Variants in IL6ST observed in about 807,000 individuals in gnomAD.
The protein encoded by IL6ST is interleukin 6 cytokine family signal transducer.
Under a neutral mutation model 91.3 loss-of-function variants are expected in IL6ST, and 24 were observed. That is an observed-to-expected ratio of 0.26 (90% CI 0.19 to 0.37). The LOEUF (loss-of-function observed/expected upper bound fraction) is 0.37, where lower values mean the gene tolerates loss of function less well. IL6ST is among the 10% of genes least tolerant of loss of function. IL6ST has a pLI of 1.00. For synonymous variants in IL6ST, 351 were observed against 373.6 expected, an observed-to-expected ratio of 0.94 and a Z score of 0.70; for missense variants, 914 against 1,078.5, an observed-to-expected ratio of 0.85 and a Z score of 2.14.
intron 10 of IL6ST, among the ~76,000 whole-genome samples, chr5:55,955,682 G>GT (rs60086207): frequency 0.24 from 36,988 of 152,000 alleles, 7,033 homozygotes; most frequent in African/African-American, 0.53. Flanking sequence ...TGATGGAAAT[G>GT]TTCTTGCATC....
chr5:55,941,406 C>A lies in IL6ST; in HGVS notation c.2433G>T (p.Arg811Ser). Residue 811 changes from arginine to serine, a missense_variant, in exon 17 of 17, where the codon AGG becomes AGT. Coordinates refer to ENST00000381298, the MANE Select transcript of IL6ST (RefSeq NM_002184.4). ...TGCAGTTCTGTTTGAAGTACTGTTG[C>A]CTGGGCAAAATACCATCACCGCCAT... ...HVDGGDGILP[R>S]QQYFKQNCSQ... The A allele has an allele frequency of 1.2e-6, 2 of 1,614,086 alleles. No individual in the cohort carries two copies. Among genetic ancestry groups the A allele is most frequent in the Non-Finnish European group, 1.7e-6 (2 of 1,179,986 alleles).
chr5:55,994,938 C>T lies in IL6ST; in HGVS notation c.-258G>A, dbSNP rs1754580125. ...CTCCGCGGGCCTTTTGGCTGCTCGC[C>T]CCGGCTCCGGAACACTGTCAGATCC... On this transcript the variant is annotated 5_prime_UTR_variant, in exon 1 of 17. Transcript: ENST00000381298. 1 of 152,172 alleles carries T rather than the reference C, an allele frequency of 6.6e-6. No homozygotes were observed. The highest frequency in any genetic ancestry group is 1.5e-5 in the Non-Finnish European group (1 of 68,084). 9.4% of individuals were successfully genotyped at this position (152,172 alleles called of 1,614,324 possible).
intron 5 of IL6ST, among the ~76,000 whole-genome samples, chr5:55,964,734 TC>T: frequency 6.6e-6 from 1 of 152,216 alleles, no homozygotes; most frequent in East Asian, 1.9e-4. Flanking sequence ...TAGCCTTTAG[TC>T]TTAGGGCTAA....
intron 15 of IL6ST, among the ~76,000 whole-genome samples, chr5:55,943,505 C>T (rs1242019133): frequency 6.6e-6 from 1 of 152,032 alleles, no homozygotes; most frequent in Admixed American, 6.6e-5. Context: ...ACAGATAAGG[C>T]ACATAAAGAC....
chr5:55,980,544 C>T (rs909588682), intron 2 of IL6ST, among the ~76,000 whole-genome samples: 2 of 151,878 alleles, frequency 1.3e-5, no homozygotes, highest in Admixed American at 6.6e-5. Context: ...AGTGAAACTC[C>T]GTCTCAAAAA....
At chr5:55,968,475 T>G in intron 4 of IL6ST, 79 bp from the exon 5 acceptor site, 1 of 1,334,020 alleles carries the variant, frequency 7.5e-7, no homozygotes, top group Non-Finnish European at 1.0e-6. Context: ...CCCAAGGCAT[T>G]TGCGATCTAA....
chr5:55,956,436 A>G (rs1751978740), intron 9 of IL6ST, among the ~76,000 whole-genome samples: 1 of 152,178 alleles, frequency 6.6e-6, no homozygotes, highest in Non-Finnish European at 1.5e-5. Flanking sequence ...GACCTCAACT[A>G]AAAAAGGGTA....
intron 2 of IL6ST, among the ~76,000 whole-genome samples, chr5:55,976,700 A>G (rs1396616430): frequency 6.6e-6 from 1 of 152,232 alleles, no homozygotes; most frequent in Non-Finnish European, 1.5e-5. Context: ...AATTTTCCCG[A>G]TATATAAAGA....
Position 55,938,681 on chromosome 5 carries a change from A to G in IL6ST, c.*2401T>C, listed in dbSNP as rs1175707429. ...AATAACCAGATTTCTTTGCCTACCT[A>G]AAGTACAATTTACATGCATCAACAC... On this transcript the variant is annotated 3_prime_UTR_variant, in exon 17 of 17. Coordinates refer to ENST00000381298, the MANE Select transcript of IL6ST (RefSeq NM_002184.4). 1 of 197,508 alleles carries G rather than the reference A, an allele frequency of 5.1e-6. No homozygotes were observed. Among genetic ancestry groups the G allele is most frequent in the East Asian group, 7.8e-5 (1 of 12,782 alleles). The allele number at this position is 197,508 out of a possible 1,614,324, so 12.2% of individuals were successfully genotyped here. A position where few individuals can be genotyped will look rare whatever the true frequency, so the allele number is the denominator to read the frequency against.
intron 10 of IL6ST, among the ~76,000 whole-genome samples, chr5:55,955,311 G>C (rs987945094): frequency 1.3e-5 from 2 of 152,152 alleles, no homozygotes; most frequent in Non-Finnish European, 2.9e-5. Context: ...TACAAAATTA[G>C]CCAGGCATTG....
At chr5:55,970,653 G>A (rs1018720975) in intron 3 of IL6ST, among the ~76,000 whole-genome samples, 4 of 152,090 alleles carry the variant, frequency 2.6e-5, no homozygotes, top group Non-Finnish European at 4.4e-5. Flanking sequence ...CTCCACCCTG[G>A]ACAACAGAGT....
chr5:55,968,168 T>A (rs1176607208), intron 5 of IL6ST, 108 bp downstream of exon 5: 6 of 1,017,164 alleles, frequency 5.9e-6, no homozygotes, highest in African/African-American at 1.7e-5. Context: ...AATAAAAAAT[T>A]AAATGTTTTA....
chr5:55,942,662 T>C lies in IL6ST; in HGVS notation c.2019+8A>G. 1 of 1,532,326 alleles carries C rather than the reference T, an allele frequency of 6.5e-7. No homozygotes were observed. The allele number at this position is 1,532,326 out of a possible 1,614,324, so 94.9% of individuals were successfully genotyped here. On this transcript the variant is annotated splice_region_variant and intron_variant, in intron 16 of 16. Coordinates refer to ENST00000381298, the MANE Select transcript of IL6ST (RefSeq NM_002184.4). ...TATTATAAACAACTCAGAAGCATTT[T>C]CTCTTACCCTTGGAGGAGTGTGAGG...
chr5:55,955,093 T>C (rs1751875785), intron 10 of IL6ST, 101 bp from the exon 11 acceptor site: 2 of 798,104 alleles, frequency 2.5e-6, no homozygotes, highest in Non-Finnish European at 4.0e-6. Flanking sequence ...TCAATTTTTG[T>C]AGCATATACT....
At chr5:55,991,473 A>T (rs1175294858) in intron 1 of IL6ST, among the ~76,000 whole-genome samples, 1 of 151,862 alleles carries the variant, frequency 6.6e-6, no homozygotes, top group African/African-American at 2.4e-5. Flanking sequence ...TTTACTCTCT[A>T]CCACAAACTA....
Position 55,941,099 on chromosome 5 carries a change from C to T in IL6ST, c.2740G>A (p.Gly914Ser), listed in dbSNP as rs1337649433. 6.2e-6 allele frequency: 10 copies of T among 1,611,402 alleles called. No homozygotes were observed. Among genetic ancestry groups the T allele is most frequent in the East Asian group, 2.2e-5 (1 of 44,860 alleles). Residue 914 changes from glycine to serine, a missense_variant, in exon 17 of 17, where the codon GGC becomes AGC. Transcript: ENST00000381298. The stretch of plus-strand genomic sequence containing the variant: ...CTAGTCCTTCACTGAGGCATGTAGC[C>T]GCCTTGCCGTACAGTCTGTGGTAAG... ...SYLPQTVRQG[G>S]YMPQ
Position 55,938,141 on chromosome 5 carries a change from C to CACTA in IL6ST, c.*2937_*2940dup. 1 of 190,016 alleles carries CACTA rather than the reference C, an allele frequency of 5.3e-6. No individual in the cohort carries two copies. Among genetic ancestry groups the CACTA allele is most frequent in the Non-Finnish European group, 1.1e-5 (1 of 90,548 alleles). The allele number at this position is 190,016 out of a possible 1,614,324, so 11.8% of individuals were successfully genotyped here. On this transcript the variant is annotated 3_prime_UTR_variant, in exon 17 of 17. Transcript: ENST00000381298. ...AGTTGTAACATTTCTAAGTATACTC[C>CACTA]ACTAACTTCACAATAAGAGCTAGGG... is the stretch of plus-strand genomic sequence containing the variant.
intron 3 of IL6ST, among the ~76,000 whole-genome samples, chr5:55,975,937 C>T (rs1454040947): frequency 6.6e-6 from 1 of 150,834 alleles, no homozygotes; most frequent in Non-Finnish European, 1.5e-5. Flanking sequence ...TCTTTCCTTC[C>T]CCATTTTAAA....
intron 14 of IL6ST, chr5:55,950,303 G>A (rs749505558): frequency 4.4e-5 from 18 of 410,348 alleles, no homozygotes; most frequent in South Asian, 2.1e-4. Context: ...TTGGGAGGCC[G>A]AGGCAGGTGG....
Sources: allele counts gnomAD v4.1 joint callset (sites outside exome capture counted in the v4.1 genomes callset), GRCh38; gene constraint gnomAD v4.1.1; transcripts MANE v1.5; gene names NCBI Gene and HGNC (gene_info 2026-07-23, HGNC 2026-07-21).